Variants in DAB2IP observed in about 807,000 individuals in gnomAD.
DAB2IP encodes the protein disabled homolog 2-interacting protein.
A neutral mutation model predicts 107.2 loss-of-function variants in DAB2IP; 28 were observed. The ratio of observed to expected loss-of-function variants is 0.26; its 90% confidence interval spans 0.19 to 0.36. The LOEUF (loss-of-function observed/expected upper bound fraction) is 0.36. DAB2IP is among the 10% of genes least tolerant of loss of function. The pLI is 1.00. For synonymous variants in DAB2IP, 755 were observed against 706.4 expected, an observed-to-expected ratio of 1.07 and a Z score of -1.09; for missense variants, 1,400 against 1,644.7, an observed-to-expected ratio of 0.85 and a Z score of 2.57.
At chr9:121,756,224 T>A (rs953680275) in intron 3 of DAB2IP, among the ~76,000 whole-genome samples, 1 of 152,188 alleles carries the variant, frequency 6.6e-6, no homozygotes, top group Non-Finnish European at 1.5e-5. Context: ...TGTGATGCAC[T>A]GAGGAAACAG....
intron 1 of DAB2IP, among the ~76,000 whole-genome samples, chr9:121,594,071 C>G (rs1320426053): frequency 6.6e-6 from 1 of 152,074 alleles, no homozygotes; most frequent in African/African-American, 2.4e-5. Flanking sequence ...AAGAAAGGAG[C>G]CATGCATTTT....
At chr9:121,607,222 A>G (rs1472855372) in intron 1 of DAB2IP, among the ~76,000 whole-genome samples, 1 of 152,146 alleles carries the variant, frequency 6.6e-6, no homozygotes, top group Non-Finnish European at 1.5e-5. Context: ...GTGAGGTCTG[A>G]TGGATGCTAG....
intron 14 of DAB2IP, among the ~76,000 whole-genome samples, chr9:121,777,593 A>G (rs572587199): frequency 2.0e-4 from 30 of 152,350 alleles, no homozygotes; most frequent in African/African-American, 7.2e-4. Flanking sequence ...CAATCCTGGA[A>G]TATTTCCTCC....
chr9:121,608,480 G>A (rs1830964213), intron 1 of DAB2IP, among the ~76,000 whole-genome samples: 1 of 152,200 alleles, frequency 6.6e-6, no homozygotes, highest in South Asian at 2.1e-4. Flanking sequence ...GTCCCAGGGA[G>A]CAAAGGCTCA....
At chr9:121,624,900 G>A (rs569533877) in intron 1 of DAB2IP, among the ~76,000 whole-genome samples, 4 of 152,330 alleles carry the variant, frequency 2.6e-5, no homozygotes, top group African/African-American at 7.2e-5. Context: ...GTCTCAATAA[G>A]TATTCATTTC....
chr9:121,757,402 C>T (rs1833574216), intron 4 of DAB2IP, among the ~76,000 whole-genome samples: 1 of 152,202 alleles, frequency 6.6e-6, no homozygotes, highest in Non-Finnish European at 1.5e-5. Context: ...CACCTGTTCT[C>T]CATGCTAGCC....
rs922359416 is a variant in DAB2IP at position 121,684,833 on chromosome 9, G to A, written c.228+6052G>A. On this transcript the variant is annotated intron_variant, in intron 2 of 15. Coordinates refer to ENST00000408936, the Ensembl canonical transcript of DAB2IP. This position sits in a 1 kb window ranked among gnomAD's most constrained non-coding sequence, Gnocchi z 4.0. ...GCCTGGAGAGGAGCAGCTTGCCCAG[G>A]ATACTTGCTGGGGCTCCCTCCACTG... Among the ~76,000 whole-genome samples, 2 of 152,208 alleles carry A rather than the reference G, an allele frequency of 1.3e-5. No individual in the cohort carries two copies. The highest frequency in any genetic ancestry group is 2.4e-5 in the African/African-American group (1 of 41,442).
intron 8 of DAB2IP, among the ~76,000 whole-genome samples, chr9:121,764,284 G>A (rs945166951): frequency 6.6e-6 from 1 of 152,310 alleles, no homozygotes. Flanking sequence ...GGCCAAGCAG[G>A]GGCACGTTGG....
At position 121,772,486 on chromosome 9, in the gene DAB2IP, C is replaced by T. The variant is rs553878032; in HGVS notation, c.2079-121C>T. The T allele has an allele frequency of 7.5e-5, 83 of 1,104,346 alleles. No homozygotes were observed. The highest frequency in any genetic ancestry group is 4.3e-4 in the Middle Eastern group (2 of 4,602). The allele number at this position is 1,104,346 out of a possible 1,614,324, so 68.4% of individuals were successfully genotyped here. On this transcript the variant is annotated intron_variant, in intron 11 of 15. Coordinates refer to ENST00000408936, the Ensembl canonical transcript of DAB2IP. This position sits in a 1 kb window ranked among gnomAD's most constrained non-coding sequence, Gnocchi z 4.7. ...CACCCCAGCGCATCCATCTCCCCAGCGCTGGCTCAGGCTGCCAGGCCCCGG... is the reference window on the plus strand; with the variant it reads ...CACCCCAGCGCATCCATCTCCCCAGTGCTGGCTCAGGCTGCCAGGCCCCGG...
intron 1 of DAB2IP, among the ~76,000 whole-genome samples, chr9:121,643,370 T>A (rs1832428197): frequency 6.6e-6 from 1 of 152,016 alleles, no homozygotes; most frequent in African/African-American, 2.4e-5. Context: ...CAAGCCCAGA[T>A]CTCCCACCAG....
intron 2 of DAB2IP, among the ~76,000 whole-genome samples, chr9:121,692,736 C>G (rs558959868): frequency 1.6e-4 from 25 of 152,230 alleles, no homozygotes; most frequent in Non-Finnish European, 2.5e-4. Context: ...TGCCTCCCCT[C>G]TTTCGCCTGT....
chr9:121,689,645 G>A (rs975893710), intron 2 of DAB2IP, among the ~76,000 whole-genome samples: 3 of 152,100 alleles, frequency 2.0e-5, no homozygotes, highest in South Asian at 2.1e-4. Context: ...GGGGCCCCCC[G>A]GGCCAGCTGG....
intron 1 of DAB2IP, among the ~76,000 whole-genome samples, chr9:121,573,078 T>C (rs910644914): frequency 6.6e-6 from 1 of 152,096 alleles, no homozygotes; most frequent in African/African-American, 2.4e-5. Flanking sequence ...TTTGGTTTGT[T>C]TGTTTGTTTG....
At chr9:121,732,633 C>T (rs995485862) in intron 3 of DAB2IP, among the ~76,000 whole-genome samples, 4 of 152,076 alleles carry the variant, frequency 2.6e-5, no homozygotes, top group Non-Finnish European at 5.9e-5. Context: ...GAGTGGGGAG[C>T]TTGAGGGGCA....
chr9:121,602,724 C>T (rs1013233187), intron 1 of DAB2IP, among the ~76,000 whole-genome samples: 3 of 151,862 alleles, frequency 2.0e-5, no homozygotes, highest in East Asian at 1.9e-4. Context: ...TACAGGCGCC[C>T]GCCACCACGC....
chr9:121,676,758 G>A (rs1399512047), intron 1 of DAB2IP, among the ~76,000 whole-genome samples: 1 of 152,202 alleles, frequency 6.6e-6, no homozygotes, highest in Non-Finnish European at 1.5e-5. Context: ...AAGTAGAGGG[G>A]GTCACCCAGG....
At chr9:121,569,281 T>C (rs1245251586) in intron 1 of DAB2IP, among the ~76,000 whole-genome samples, 1 of 152,268 alleles carries the variant, frequency 6.6e-6, no homozygotes, top group East Asian at 1.9e-4. Flanking sequence ...GACTGGGCTT[T>C]GGTGTTCAAG....
intron 3 of DAB2IP, among the ~76,000 whole-genome samples, chr9:121,710,940 T>A (rs1283062854): frequency 6.6e-6 from 1 of 152,236 alleles, no homozygotes; most frequent in Non-Finnish European, 1.5e-5. Context: ...CCAGATGTTC[T>A]GCCCGGAGCC....
intron 3 of DAB2IP, among the ~76,000 whole-genome samples, chr9:121,725,713 G>A (rs1433135050): frequency 6.6e-6 from 1 of 152,190 alleles, no homozygotes; most frequent in African/African-American, 2.4e-5. Flanking sequence ...GAAGGTGAAG[G>A]TTCCCTTGAG....
Sources: gnomAD v4.1 joint callset for allele counts (sites outside exome capture counted in the v4.1 genomes callset) on GRCh38, gnomAD v4.1.1 for gene constraint, Gnocchi (gnomAD v3.1) non-coding constraint, MANE v1.5 for transcripts, NCBI Gene and HGNC (gene_info 2026-07-23, HGNC 2026-07-21) for gene names.